Variants in LRRCC1 observed in about 807,000 individuals in gnomAD.
The protein encoded by LRRCC1 is leucine-rich repeat and coiled-coil domain-containing protein 1.
Under a neutral mutation model 126.0 loss-of-function variants are expected in LRRCC1, and 115 were observed. That is an observed-to-expected ratio of 0.91 (90% CI 0.78 to 1.07). The LOEUF is 1.07. Among genes scored for constraint, LRRCC1 ranks in the 50% least tolerant of loss-of-function variants. LRRCC1 has a pLI of 0.00. For synonymous variants in LRRCC1, 400 were observed against 393.4 expected, an observed-to-expected ratio of 1.02 and a Z score of -0.20; for missense variants, 1,172 against 1,175.7, an observed-to-expected ratio of 1.00 and a Z score of 0.05.
At chr8:85,116,070 C>G (rs894808877) in intron 6 of LRRCC1, among the ~76,000 whole-genome samples, 1 of 152,164 alleles carries the variant, frequency 6.6e-6, no homozygotes, top group African/African-American at 2.4e-5. Flanking sequence ...TCTATACTTT[C>G]CTGAGCTGTT....
In LRRCC1 at chr8:85,126,694, T is replaced by A; in HGVS notation, c.1278T>A (p.Leu426=). 6.2e-7 allele frequency: 1 copy of A among 1,610,064 alleles called. No homozygotes were observed. The highest frequency in any genetic ancestry group is 8.5e-7 in the Non-Finnish European group (1 of 1,179,286). ...SHSEDNTYQS[L]VEQLDQEREK... is the part of the protein sequence containing the mutation. The stretch of plus-strand genomic sequence containing the variant: ...ACTTTGTTGTTTTCTTTCAGTCCCT[T>A]GTTGAACAGCTAGACCAAGAGAGAG... The change falls in exon 9 of 19, where the codon CTT becomes CTA. Residue 426 remains leucine (L), a synonymous_variant. Transcript: ENST00000360375.
At chr8:85,136,183 G>T (rs923910760) in intron 14 of LRRCC1, among the ~76,000 whole-genome samples, 26 of 152,166 alleles carry the variant, frequency 1.7e-4, no homozygotes, top group Middle Eastern at 3.4e-3. Flanking sequence ...TATGGCTCTG[G>T]TTTTTTAAAT....
In LRRCC1 at chr8:85,145,687, A is replaced by G; in HGVS notation, c.*176A>G. Reference sequence around the variant, plus strand: ...TTTATTAATTGTATAGGTTTTTTATAATAAATTGTTGACAATTTTGTCTAT... The same window carrying G: ...TTTATTAATTGTATAGGTTTTTTATGATAAATTGTTGACAATTTTGTCTAT... On this transcript the variant is annotated 3_prime_UTR_variant, in exon 19 of 19. Coordinates refer to ENST00000360375, the MANE Select transcript of LRRCC1 (RefSeq NM_033402.5). 1 of 417,506 alleles carries G rather than the reference A, an allele frequency of 2.4e-6. No homozygotes were observed. 25.9% of individuals were successfully genotyped at this position (417,506 alleles called of 1,614,324 possible).
chr8:85,111,690 G>GA (rs200760653), intron 3 of LRRCC1, among the ~76,000 whole-genome samples: 4 of 151,364 alleles, frequency 2.6e-5, no homozygotes, highest in African/African-American at 9.7e-5. Flanking sequence ...AATAAACCAT[G>GA]AAAAAAAATT....
chr8:85,126,068 A>AT (rs1009256589), intron 8 of LRRCC1, among the ~76,000 whole-genome samples: 1 of 152,104 alleles, frequency 6.6e-6, no homozygotes, highest in Non-Finnish European at 1.5e-5. Flanking sequence ...CAATCTTTAT[A>AT]TTCCCTTGCG....
At chr8:85,132,386 T>A (rs1434787334) in intron 12 of LRRCC1, among the ~76,000 whole-genome samples, 8 of 23,970 alleles carry the variant, frequency 3.3e-4, no homozygotes, top group Admixed American at 2.2e-3. Context: ...TTTTTTTTTT[T>A]TTTTTTTTTT....
chr8:85,107,437 T>A (rs1808323730), intron 1 of LRRCC1, 38 bp downstream of exon 1: 1 of 1,531,462 alleles, frequency 6.5e-7, no homozygotes, highest in Non-Finnish European at 8.9e-7. Flanking sequence ...ACCCGCGCAC[T>A]CCCCAGAGCC....
At chr8:85,108,847 T>TC in intron 1 of LRRCC1, 1 of 152,350 alleles carries the variant, frequency 6.6e-6, no homozygotes, top group African/African-American at 2.4e-5. Flanking sequence ...TAGTTTGTGT[T>TC]CCTGGAACTA....
chr8:85,126,607 C>A, intron 8 of LRRCC1, 82 bp from the exon 9 acceptor site: 1 of 1,176,956 alleles, frequency 8.5e-7, no homozygotes, highest in South Asian at 1.5e-5. Flanking sequence ...ACTATTATTC[C>A]CCTGTTATAA....
chr8:85,141,292 A>G (rs982937948), intron 17 of LRRCC1, 90 bp from the exon 18 acceptor site: 5 of 1,025,568 alleles, frequency 4.9e-6, no homozygotes, highest in African/African-American at 4.8e-5. Flanking sequence ...ATTAGTATGA[A>G]TGTGAGCCAC....
Position 85,107,356 on chromosome 8 carries a change from A to G in LRRCC1, c.61A>G (p.Ser21Gly). ...EAEVENEDGD[S>G]SCGDVCFMDK... ...GGAAGTGGAAAACGAAGACGGCGAC[A>G]GCAGCTGCGGGGATGTATGCTTCAT... Residue 21 changes from serine (S) to glycine (G), a missense_variant, in exon 1 of 19, where the codon AGC (serine) becomes GGC (glycine). By Grantham distance (56) the Ser-to-Gly change is moderately conservative. Coordinates refer to ENST00000360375, the MANE Select transcript of LRRCC1 (RefSeq NM_033402.5). The G allele has an allele frequency of 6.2e-7, 1 of 1,613,904 alleles. No homozygotes were observed. Among genetic ancestry groups the G allele is most frequent in the East Asian group, 2.2e-5 (1 of 44,862 alleles).
At chr8:85,145,345 TTTTC>T (rs750476520) in intron 18 of LRRCC1, 40 bp from the exon 19 acceptor site, 1 of 1,393,096 alleles carries the variant, frequency 7.2e-7, no homozygotes, top group Non-Finnish European at 9.6e-7. Context: ...TAAAAATACA[TTTTC>T]TTTAAGAAAT....
chr8:85,129,117 A>G, intron 9 of LRRCC1, 58 bp from the exon 10 acceptor site: 1 of 1,289,990 alleles, frequency 7.8e-7, no homozygotes, highest in Non-Finnish European at 1.1e-6. Flanking sequence ...TGAAGTCAAC[A>G]ATTTTATCAT....
chr8:85,134,950 A>T lies in LRRCC1; in HGVS notation c.2072A>T (p.Asp691Val), dbSNP rs1810744878. Residue 691 changes from aspartate to valine, a missense_variant, in exon 13 of 19, where the codon GAT becomes GTT. By Grantham distance (152) the Asp-to-Val change is radical. Coordinates refer to ENST00000360375, the MANE Select transcript of LRRCC1 (RefSeq NM_033402.5). ...AATGAGTCTTCCTCTTTAATTAAAGATCTGACCTGTATGGTAAAGGAACAA... is the reference window on the plus strand; with the variant it reads ...AATGAGTCTTCCTCTTTAATTAAAGTTCTGACCTGTATGGTAAAGGAACAA... ...KENESSSLIK[D>V]LTCMVKEQKT... 1 of 1,594,864 alleles carries T rather than the reference A, an allele frequency of 6.3e-7. No homozygotes were observed. Among genetic ancestry groups the T allele is most frequent in the African/African-American group, 1.4e-5 (1 of 73,692 alleles).
At chr8:85,137,704 G>A (rs540450695) in intron 15 of LRRCC1, 77 bp downstream of exon 15, 446 of 1,039,686 alleles carry the variant, frequency 4.3e-4, no homozygotes, top group Admixed American at 1.3e-3. Flanking sequence ...TCCAAAAGCT[G>A]TTTTTCAGTG....
At chr8:85,119,932 A>G (rs181348451) in intron 6 of LRRCC1, among the ~76,000 whole-genome samples, 19 of 152,264 alleles carry the variant, frequency 1.2e-4, no homozygotes, top group African/African-American at 4.3e-4. Context: ...TGCTTTTGCT[A>G]TTGTACAGTT....
intron 18 of LRRCC1, among the ~76,000 whole-genome samples, chr8:85,142,355 A>T (rs1020641610): frequency 1.3e-5 from 2 of 152,184 alleles, no homozygotes; most frequent in African/African-American, 4.8e-5. Flanking sequence ...GTCTGGAGTC[A>T]GACTCAGGTA....
chr8:85,131,110 A>G (rs1251978563), intron 11 of LRRCC1, among the ~76,000 whole-genome samples: 2 of 152,244 alleles, frequency 1.3e-5, no homozygotes, highest in East Asian at 3.8e-4. Flanking sequence ...GCTCTGGGGA[A>G]AATTGTTATC....
intron 14 of LRRCC1, 77 bp downstream of exon 14, chr8:85,136,040 AC>A (rs1441820577): frequency 8.1e-7 from 1 of 1,236,738 alleles, no homozygotes. Flanking sequence ...AGAGAAAAAG[AC>A]TCAACTCTGC....
Sources: allele counts gnomAD v4.1 joint callset (sites outside exome capture counted in the v4.1 genomes callset), GRCh38; gene constraint gnomAD v4.1.1; transcripts MANE v1.5; gene names NCBI Gene and HGNC (gene_info 2026-07-23, HGNC 2026-07-21).